EIF4B: variants seen among roughly 807,000 people sequenced by gnomAD.
EIF4B encodes eukaryotic translation initiation factor 4B.
In EIF4B, 8 loss-of-function variants were observed where a neutral mutation model predicts 79.3. The ratio of observed to expected loss-of-function variants is 0.10; its 90% CI spans 0.06 to 0.18. EIF4B has a LOEUF of 0.18. Ranked by LOEUF, EIF4B falls within the 10% of genes least tolerant of loss-of-function variation. EIF4B has a pLI of 1.00. For synonymous variants in EIF4B, 238 were observed against 274.7 expected (o/e 0.87, Z 1.32); for missense variants, 515 against 792.4 (o/e 0.65, Z 4.20).
At chr12:53,012,229 T>C (rs1182417900) in intron 1 of EIF4B, 2 of 152,132 alleles carry the variant, frequency 1.3e-5, no homozygotes, top group Non-Finnish European at 2.9e-5. Context: ...AAGTTGAAGA[T>C]CTTGTAAGGA....
chr12:53,011,910 AAATT>A (rs1234156373), intron 1 of EIF4B, among the ~76,000 whole-genome samples: 1 of 152,224 alleles, frequency 6.6e-6, no homozygotes, highest in Admixed American at 6.5e-5. Flanking sequence ...GATTTAGAGA[AAATT>A]AAAGAATTGG....
intron 6 of EIF4B, among the ~76,000 whole-genome samples, chr12:53,027,125 A>G (rs1372277368): frequency 0.14 from 9,093 of 66,736 alleles, 3,258 homozygotes; most frequent in Middle Eastern, 0.19. Context: ...CTGTCTCTCA[A>G]AAAAAAAAAA....
chr12:53,038,247 G>A, intron 11 of EIF4B, 109 bp from the exon 12 acceptor site: 1 of 882,324 alleles, frequency 1.1e-6, no homozygotes, highest in Non-Finnish European at 1.7e-6. Flanking sequence ...CATTGAGTAT[G>A]ATTTTGTTTT....
At chr12:53,026,051 G>A (rs1218482324) in intron 6 of EIF4B, among the ~76,000 whole-genome samples, 2 of 151,910 alleles carry the variant, frequency 1.3e-5, no homozygotes, top group African/African-American at 4.8e-5. Flanking sequence ...GTGAGCCCGC[G>A]ATTGTGCCAC....
rs1485184205 is a variant in EIF4B, at chr12:53,041,378, A to C, written c.*1155A>C. 1.3e-5 allele frequency: 2 copies of C among 152,170 alleles called. No homozygotes were observed. The highest frequency in any genetic ancestry group is 2.4e-5 in the African/African-American group (1 of 41,426). The allele number at this position is 152,170 out of a possible 1,614,324, so 9.4% of individuals were successfully genotyped here. A position where few individuals can be genotyped will look rare whatever the true frequency, so the allele number is the denominator to read the frequency against. ...GGATGATGGATAAATAGGGACAGGG[A>C]CAGTTAAATTGGGAGCCTTTCTTAC... On this transcript the variant is annotated 3_prime_UTR_variant, in exon 15 of 15. Coordinates refer to ENST00000262056, the MANE Select transcript of EIF4B (RefSeq NM_001417.7).
chr12:53,019,092 A>G, intron 3 of EIF4B, 86 bp downstream of exon 3: 1 of 1,443,220 alleles, frequency 6.9e-7, no homozygotes, highest in South Asian at 1.2e-5. Flanking sequence ...TTGCTGTTGA[A>G]AAAACAACTA....
intron 6 of EIF4B, among the ~76,000 whole-genome samples, chr12:53,027,136 A>ATTATTATT (rs777111413): frequency 3.4e-5 from 1 of 29,444 alleles, no homozygotes; most frequent in African/African-American, 5.9e-5. Context: ...AAAAAAAAAA[A>ATTATTATT]ATTTTTTTTT....
intron 6 of EIF4B, among the ~76,000 whole-genome samples, chr12:53,026,323 G>A (rs1943333346): frequency 1.3e-5 from 2 of 151,982 alleles, no homozygotes; most frequent in East Asian, 1.9e-4. Flanking sequence ...ACAACATAAC[G>A]CTACCCACAG....
At chr12:53,030,410 A>ATTTTTTTTTTTTTTTTTT (rs1555153412) in intron 8 of EIF4B, among the ~76,000 whole-genome samples, 32 of 34,170 alleles carry the variant, frequency 9.4e-4, no homozygotes, top group Admixed American at 2.5e-3. Context: ...AAAAAATTAT[A>ATTTTTTTTTTTTTTTTTT]TTCTTTTTTT....
At chr12:53,018,281 C>A (rs1018845854) in intron 2 of EIF4B, among the ~76,000 whole-genome samples, 2 of 152,182 alleles carry the variant, frequency 1.3e-5, no homozygotes, top group Non-Finnish European at 2.9e-5. Context: ...AGCCACCGAG[C>A]CAGGCCTGTT....
At position 53,041,841 on chromosome 12, in the gene EIF4B, G is replaced by C. The variant is rs1592232185; in HGVS notation, c.*1618G>C. 2.3e-5 allele frequency: 1 copy of C among 42,600 alleles called. No individual in the cohort carries two copies. 2.6% of individuals were successfully genotyped at this position (42,600 alleles called of 1,614,324 possible). On this transcript the variant is annotated 3_prime_UTR_variant, in exon 15 of 15. Coordinates refer to ENST00000262056, the MANE Select transcript of EIF4B (RefSeq NM_001417.7). ...TTGGTGTGGATTGGCCAGTAGCTAA[G>C]AAGTGGGCTTTTAAAGAGTATTGAA...
intron 14 of EIF4B, 167 bp downstream of exon 14, chr12:53,039,869 A>C: frequency 1.2e-6 from 1 of 811,002 alleles, no homozygotes; most frequent in Non-Finnish European, 1.9e-6. Flanking sequence ...GTCTTTACTG[A>C]AATAGCGAAA....
At chr12:53,032,470 ATTAG>A (rs1235883037) in intron 8 of EIF4B, among the ~76,000 whole-genome samples, 1 of 152,146 alleles carries the variant, frequency 6.6e-6, no homozygotes, top group Non-Finnish European at 1.5e-5. Context: ...ATCATATTGT[ATTAG>A]TTCTTAACAT....
At chr12:53,030,410 A>ATTT (rs1555153412) in intron 8 of EIF4B, among the ~76,000 whole-genome samples, 19 of 34,164 alleles carry the variant, frequency 5.6e-4, no homozygotes, top group Non-Finnish European at 1.5e-3. Flanking sequence ...AAAAAATTAT[A>ATTT]TTCTTTTTTT....
At chr12:53,009,238 A>G in intron 1 of EIF4B, among the ~76,000 whole-genome samples, 1 of 151,862 alleles carries the variant, frequency 6.6e-6, no homozygotes, top group Non-Finnish European at 1.5e-5. Context: ...ATGCTTTCAA[A>G]TTGGGCAGGG....
intron 1 of EIF4B, among the ~76,000 whole-genome samples, chr12:53,010,209 C>A (rs1374176367): frequency 6.6e-6 from 1 of 152,172 alleles, no homozygotes; most frequent in South Asian, 2.1e-4. Context: ...ATGGCATCTT[C>A]TGTCAAAATG....
chr12:53,038,992 C>A, intron 12 of EIF4B: 1 of 372,734 alleles, frequency 2.7e-6, no homozygotes, highest in Non-Finnish European at 4.8e-6. Context: ...TCTTTATTTC[C>A]AGCTTGCTTT....
At position 53,034,027 on chromosome 12, in the gene EIF4B, C is replaced by T. The variant is rs1008250486; in HGVS notation, c.1201C>T (p.Arg401Trp). 3.1e-6 allele frequency: 5 copies of T among 1,609,694 alleles called. No individual in the cohort carries two copies. The highest frequency in any genetic ancestry group is 1.1e-5 in the South Asian group (1 of 90,368). ...LDEPKLERRP[R>W]ERHPSWRSEE... The stretch of plus-strand genomic sequence containing the variant: ...TGAGCCAAAACTAGAACGACGGCCT[C>T]GGGAGAGGTGTGTTGTCTTGATGGA... Residue 401 changes from arginine (R) to tryptophan (W), a missense_variant, in exon 9 of 15, where the codon CGG becomes TGG. By Grantham distance (101) the Arg-to-Trp change is moderately radical. This residue lies in a region of EIF4B where 146 missense variants were observed against 228.0 expected (regional missense o/e 0.64). Transcript: ENST00000262056.
chr12:53,020,816 A>G (rs898065315), intron 4 of EIF4B, among the ~76,000 whole-genome samples: 2 of 152,200 alleles, frequency 1.3e-5, no homozygotes, highest in African/African-American at 4.8e-5. Flanking sequence ...AGTTAAATGC[A>G]TATGAAGGTC....
Sources: allele counts gnomAD v4.1 joint callset (sites outside exome capture counted in the v4.1 genomes callset), GRCh38; gene constraint gnomAD v4.1.1; regional missense constraint gnomAD v4.1.1; transcripts MANE v1.5; gene names NCBI Gene and HGNC (gene_info 2026-07-23, HGNC 2026-07-21).